The following SLCO3A1 variants were observed in gnomAD, a reference collection of about 807,000 sequenced individuals.
SLCO3A1 encodes the protein PGE1 transporter.
SLCO3A1 carries 27 observed loss-of-function variants against 63.1 expected under a neutral mutation model. The observed-to-expected ratio is 0.43, with a 90% CI of 0.32 to 0.59. The LOEUF (loss-of-function observed/expected upper bound fraction) is 0.59. SLCO3A1 is among the 20% of genes least tolerant of loss of function. The probability of loss-of-function intolerance (pLI) is 0.09; values close to 1 mark genes in which losing one functional copy is unlikely to be tolerated. For missense variants in SLCO3A1, 773 were observed against 945.8 expected, an observed-to-expected ratio of 0.82 and a Z score of 2.40; for synonymous variants, 473 against 409.9, an observed-to-expected ratio of 1.15 and a Z score of -1.86.
At chr15:92,006,965 G>A (rs994773651) in intron 2 of SLCO3A1, among the ~76,000 whole-genome samples, 1 of 152,154 alleles carries the variant, frequency 6.6e-6, no homozygotes, top group Non-Finnish European at 1.5e-5. Flanking sequence ...TAGCAGAAAG[G>A]CTCGTTAATT....
At chr15:92,046,321 C>G (rs1237975025) in intron 2 of SLCO3A1, among the ~76,000 whole-genome samples, 1 of 151,874 alleles carries the variant, frequency 6.6e-6, no homozygotes, top group East Asian at 1.9e-4. Context: ...TCGAGACCAG[C>G]CTGGCCAACA....
chr15:91,860,334 C>T lies in SLCO3A1; in HGVS notation c.180+6246C>T, dbSNP rs1897017792. ...TATTTCCCAGCTCCTGGCAACTTCA[C>T]TTACTCGAGCCTCAATAGCCTCATC... On this transcript the variant is annotated intron_variant, in intron 1 of 9. Coordinates refer to ENST00000318445, the MANE Select transcript of SLCO3A1 (RefSeq NM_013272.4). This position sits in a 1 kb window ranked among gnomAD's most constrained non-coding sequence, Gnocchi z 5.5. Among the ~76,000 whole-genome samples, 1 of 152,196 alleles carries T rather than the reference C, an allele frequency of 6.6e-6. No individual in the cohort carries two copies. Among genetic ancestry groups the T allele is most frequent in the Non-Finnish European group, 1.5e-5 (1 of 68,040 alleles).
intron 4 of SLCO3A1, among the ~76,000 whole-genome samples, chr15:92,117,607 G>A (rs12439582): frequency 0.78 from 118,957 of 152,102 alleles, 47,356 homozygotes; most frequent in East Asian, 0.95. Context: ...ACAAGGAGGC[G>A]CTGTTATAAC....
At chr15:91,946,207 T>C (rs566610415) in intron 2 of SLCO3A1, among the ~76,000 whole-genome samples, 1 of 152,264 alleles carries the variant, frequency 6.6e-6, no homozygotes, top group East Asian at 1.9e-4. Context: ...TAGAGATAAT[T>C]AGGGCAGCGT....
intron 2 of SLCO3A1, among the ~76,000 whole-genome samples, chr15:91,959,449 G>A (rs373835000): frequency 6.6e-6 from 1 of 151,926 alleles, no homozygotes; most frequent in Admixed American, 6.6e-5. Flanking sequence ...AAAATTATAG[G>A]CTGGGCACGG....
chr15:92,013,153 G>T (rs546431759), intron 2 of SLCO3A1, among the ~76,000 whole-genome samples: 1 of 152,348 alleles, frequency 6.6e-6, no homozygotes, highest in Non-Finnish European at 1.5e-5. Flanking sequence ...TTGAAGCTAG[G>T]GGGAGAGAGC....
intron 2 of SLCO3A1, among the ~76,000 whole-genome samples, chr15:92,000,664 A>T (rs1878557): frequency 0.79 from 120,259 of 152,212 alleles, 47,942 homozygotes; most frequent in African/African-American, 0.9. Context: ...TTTCTGTATT[A>T]TTGTGTTTAA....
chr15:92,075,873 T>C (rs2047270721), intron 2 of SLCO3A1, among the ~76,000 whole-genome samples: 1 of 152,194 alleles, frequency 6.6e-6, no homozygotes, highest in African/African-American at 2.4e-5. Flanking sequence ...TGAGTGAGTG[T>C]TTTTGTCCAG....
chr15:92,035,419 A>G (rs771072956), intron 2 of SLCO3A1, among the ~76,000 whole-genome samples: 2 of 151,818 alleles, frequency 1.3e-5, no homozygotes, highest in African/African-American at 2.4e-5. Context: ...TAAATATAGA[A>G]TATATAAACT....
At chr15:91,868,674 C>T (rs188366422) in intron 1 of SLCO3A1, among the ~76,000 whole-genome samples, 10 of 152,230 alleles carry the variant, frequency 6.6e-5, no homozygotes, top group Admixed American at 2.0e-4. Flanking sequence ...CTCTAATTCT[C>T]AATTTCCTCA....
chr15:92,134,880 G>A (rs2048037551), intron 7 of SLCO3A1, among the ~76,000 whole-genome samples: 5 of 152,140 alleles, frequency 3.3e-5, no homozygotes, highest in Admixed American at 3.3e-4. Context: ...TTGGTTCTGG[G>A]TGGGGCAGGG....
intron 2 of SLCO3A1, among the ~76,000 whole-genome samples, chr15:91,929,929 T>A (rs958452774): frequency 6.6e-6 from 1 of 152,332 alleles, no homozygotes; most frequent in Non-Finnish European, 1.5e-5. Context: ...ATATTTTGTT[T>A]GTCCATTCAT....
chr15:91,889,173 A>G (rs1214753915), intron 1 of SLCO3A1: 5 of 1,287,584 alleles, frequency 3.9e-6, no homozygotes, highest in East Asian at 5.6e-5. Context: ...GACTGATGTC[A>G]TAACACTGGA....
intron 8 of SLCO3A1, chr15:92,149,236 T>A (rs2048272043): frequency 1.3e-5 from 2 of 152,342 alleles, no homozygotes; most frequent in South Asian, 4.1e-4. Flanking sequence ...AAATATTTGA[T>A]TCCCTCTAAA....
chr15:91,932,545 A>G (rs565782723), intron 2 of SLCO3A1, among the ~76,000 whole-genome samples: 2 of 152,070 alleles, frequency 1.3e-5, no homozygotes, highest in African/African-American at 4.8e-5. Context: ...TCCCAGGTTC[A>G]AGCAATTCTG....
intron 4 of SLCO3A1, among the ~76,000 whole-genome samples, chr15:92,115,895 A>T (rs1187525394): frequency 4.0e-5 from 6 of 151,380 alleles, no homozygotes; most frequent in Admixed American, 3.3e-4. Flanking sequence ...CTAGGCAGAA[A>T]TTTTTTATTA....
intron 2 of SLCO3A1, among the ~76,000 whole-genome samples, chr15:92,041,589 G>A (rs529153747): frequency 5.3e-4 from 80 of 152,340 alleles, no homozygotes; most frequent in African/African-American, 1.8e-3. Flanking sequence ...TTTAAATGCA[G>A]ATGGAGATGT....
chr15:91,874,455 A>G (rs765634459), intron 1 of SLCO3A1, among the ~76,000 whole-genome samples: 9 of 152,072 alleles, frequency 5.9e-5, no homozygotes, highest in Non-Finnish European at 1.2e-4. Flanking sequence ...TTCACTTCCT[A>G]TCTCTATGAT....
intron 2 of SLCO3A1, among the ~76,000 whole-genome samples, chr15:91,974,313 C>T (rs182465227): frequency 7.4e-6 from 1 of 134,452 alleles, no homozygotes; most frequent in Admixed American, 7.2e-5. Flanking sequence ...TCTAAGCCTT[C>T]TTAGCATTTG....
Sources: gnomAD v4.1 joint callset for allele counts (sites outside exome capture counted in the v4.1 genomes callset) on GRCh38, gnomAD v4.1.1 for gene constraint, Gnocchi (gnomAD v3.1) non-coding constraint, MANE v1.5 for transcripts, NCBI Gene and HGNC (gene_info 2026-07-23, HGNC 2026-07-21) for gene names.